DENND2C: variants seen among roughly 807,000 people sequenced by gnomAD.
DENND2C encodes the protein DENN domain containing 2C, also known as DENN domain-containing protein 2C.
A neutral mutation model predicts 112.4 loss-of-function variants in DENND2C; 72 were observed. The observed-to-expected ratio is 0.64, with a 90% confidence interval of 0.53 to 0.78. DENND2C has a LOEUF of 0.78. DENND2C is among the 30% of genes least tolerant of loss of function. The pLI, the probability that DENND2C is intolerant of heterozygous loss-of-function variation, is 0.00. For missense variants in DENND2C, 992 were observed against 1,113.8 expected, an observed-to-expected ratio of 0.89 and a Z score of 1.56; for synonymous variants, 329 against 381.6, an observed-to-expected ratio of 0.86 and a Z score of 1.61.
intron 2 of DENND2C, among the ~76,000 whole-genome samples, chr1:114,649,020 T>C (rs999689654): frequency 1.3e-5 from 2 of 152,008 alleles, no homozygotes; most frequent in African/African-American, 4.8e-5. Flanking sequence ...AGTGACGTGA[T>C]CTTGGCTCAC....
At chr1:114,665,113 A>C (rs1657609708) in intron 1 of DENND2C, among the ~76,000 whole-genome samples, 1 of 151,700 alleles carries the variant, frequency 6.6e-6, no homozygotes, top group African/African-American at 2.4e-5. Flanking sequence ...AAAATAAAAA[A>C]TAAAAATTAG....
At chr1:114,647,287 G>C (rs1657019990) in intron 2 of DENND2C, among the ~76,000 whole-genome samples, 1 of 151,588 alleles carries the variant, frequency 6.6e-6, no homozygotes, top group African/African-American at 2.4e-5. Flanking sequence ...GAAGAAGGAA[G>C]AATTATTTCT....
rs114210779 is a variant in DENND2C, at chr1:114,652,854, C to T, written c.-317+1651G>A. Among the ~76,000 whole-genome samples the T allele has an allele frequency of 7.4e-3, 1,121 of 151,596 alleles. 8 individuals carry two copies. Among genetic ancestry groups the T allele is most frequent in the South Asian group, 0.027 (129 of 4,772 alleles). On this transcript the variant is annotated intron_variant, in intron 2 of 20. Coordinates refer to ENST00000393274, the MANE Select transcript of DENND2C (RefSeq NM_001256404.2). ...CATGCCTGGCTCTATCTCCCACATG[C>T]TTTAAATAATCTCGAGATTACTTAT...
chr1:114,626,469 T>C (rs1656345415), intron 3 of DENND2C, among the ~76,000 whole-genome samples: 1 of 152,108 alleles, frequency 6.6e-6, no homozygotes, highest in South Asian at 2.1e-4. Context: ...TTAGAAGAGA[T>C]TATACATAGC....
intron 2 of DENND2C, among the ~76,000 whole-genome samples, chr1:114,651,431 A>G (rs1364365788): frequency 6.6e-6 from 1 of 151,768 alleles, no homozygotes; most frequent in East Asian, 1.9e-4. Flanking sequence ...CAGCCTGGGC[A>G]ATGGAGCAAG....
chr1:114,649,808 A>AT (rs1657104340), intron 2 of DENND2C, among the ~76,000 whole-genome samples: 1 of 152,220 alleles, frequency 6.6e-6, no homozygotes, highest in African/African-American at 2.4e-5. Flanking sequence ...AAAAGAAGCA[A>AT]TAAAAAAAAG....
Position 114,585,527 on chromosome 1 carries a change from G to T in DENND2C, c.*73C>A. The T allele has an allele frequency of 1.3e-6, 2 of 1,513,646 alleles. No individual in the cohort carries two copies. Among genetic ancestry groups the T allele is most frequent in the Non-Finnish European group, 1.8e-6 (2 of 1,096,702 alleles). 93.8% of individuals were successfully genotyped at this position (1,513,646 alleles called of 1,614,324 possible). ...AAGAATTTTGTAGAATACTTCATGG[G>T]ATCCTGACCCTTAGAAAAATATTTT... On this transcript the variant is annotated 3_prime_UTR_variant, in exon 21 of 21. Transcript: ENST00000393274.
At chr1:114,599,499 G>A (rs1404756457) in intron 15 of DENND2C, 48 bp from the exon 16 acceptor site, 24 of 1,441,582 alleles carry the variant, frequency 1.7e-5, no homozygotes, top group Non-Finnish European at 2.1e-5. Context: ...GTAACATAAG[G>A]AGGACATTTC....
rs1255243635 is a variant in DENND2C at position 114,622,171 on chromosome 1, T to G, written c.1057-106A>C. On this transcript the variant is annotated intron_variant, in intron 6 of 20. Coordinates refer to ENST00000393274, the MANE Select transcript of DENND2C (RefSeq NM_001256404.2). Reference sequence around the variant, plus strand: ...CTCTGTCGCCCAGGCTGGAATGCAGTGGCACGATCATGGCTCATTGCAGCC... The same window carrying G: ...CTCTGTCGCCCAGGCTGGAATGCAGGGGCACGATCATGGCTCATTGCAGCC... The G allele has an allele frequency of 4.2e-6, 5 of 1,193,420 alleles. No individual in the cohort carries two copies. In the Admixed American group the frequency reaches 8.6e-5, roughly 20 times the overall value. 73.9% of individuals were successfully genotyped at this position (1,193,420 alleles called of 1,614,324 possible). A position where few individuals can be genotyped will look rare whatever the true frequency, so the allele number is the denominator to read the frequency against.
intron 4 of DENND2C, among the ~76,000 whole-genome samples, chr1:114,623,898 A>G (rs6681510): frequency 0.23 from 35,210 of 152,034 alleles, 4,474 homozygotes; most frequent in Non-Finnish European, 0.28. Context: ...CACCATGCTC[A>G]GCTCTTTTTT....
chr1:114,593,013 T>G (rs1655238627), intron 18 of DENND2C, among the ~76,000 whole-genome samples: 1 of 152,196 alleles, frequency 6.6e-6, no homozygotes, highest in Non-Finnish European at 1.5e-5. Context: ...TTTCACTTTT[T>G]GTAGAGATGA....
chr1:114,623,328 T>C (rs1205200647), intron 5 of DENND2C, among the ~76,000 whole-genome samples, 179 bp downstream of exon 5: 1 of 152,200 alleles, frequency 6.6e-6, no homozygotes, highest in Non-Finnish European at 1.5e-5. Context: ...GAGCAGTCTA[T>C]CACATTAGTT....
chr1:114,608,858 A>G lies in DENND2C; in HGVS notation c.1385T>C (p.Leu462Ser), dbSNP rs753825594. 2 of 1,614,192 alleles carry G rather than the reference A, an allele frequency of 1.2e-6. No homozygotes were observed. Among genetic ancestry groups the G allele is most frequent in the South Asian group, 2.2e-5 (2 of 91,082 alleles). ...CTTGGAAGACGGTTGCAGTTGTGCT[A>G]AGCGTTTATGGCGATCTGTAATGAA... ...EYLPKNRHKR[L>S]AQLQPSSKRN... The change falls in exon 10 of 21, where the codon TTA becomes TCA. Residue 462 changes from leucine to serine, a missense_variant. By Grantham distance (145) the Leu-to-Ser change is moderately radical. Coordinates refer to ENST00000393274, the MANE Select transcript of DENND2C (RefSeq NM_001256404.2).
At chr1:114,590,136 G>A (rs1570752131) in intron 18 of DENND2C, among the ~76,000 whole-genome samples, 1 of 152,172 alleles carries the variant, frequency 6.6e-6, no homozygotes, top group African/African-American at 2.4e-5. Flanking sequence ...GCTCATGCCT[G>A]TAATCCCAAC....
At chr1:114,616,691 T>C (rs192570282) in intron 8 of DENND2C, among the ~76,000 whole-genome samples, 52 of 152,126 alleles carry the variant, frequency 3.4e-4, no homozygotes, top group Admixed American at 6.5e-4. Context: ...CCGTCTCTAC[T>C]ACAAATACAA....
In DENND2C at chr1:114,618,410, C is replaced by T. The variant is rs1404956838; in HGVS notation, c.1300G>A (p.Gly434Arg). 6.3e-7 allele frequency: 1 copy of T among 1,590,528 alleles called. No individual in the cohort carries two copies. Reference protein sequence around the residue: ...KKKVKLHSYTGKELPPTKGET... With the variant: ...KKKVKLHSYTRKELPPTKGET... ...CCTTTTGTCGGAGGTAATTCCTTTC[C>T]AGTGTAAGAATGTAACTTTACCTTC... Residue 434 changes from glycine (G) to arginine (R), a missense_variant, in exon 8 of 21, where the codon GGA (glycine) becomes AGA (arginine). Physicochemically the swap from Gly to Arg is moderately radical, Grantham distance 125. This residue lies in a region of DENND2C where 516 missense variants were observed against 623.6 expected (regional missense o/e 0.83). Coordinates refer to ENST00000393274, the MANE Select transcript of DENND2C (RefSeq NM_001256404.2).
intron 1 of DENND2C, among the ~76,000 whole-genome samples, chr1:114,657,320 TTTTA>T (rs1200710490): frequency 6.6e-6 from 1 of 152,234 alleles, no homozygotes; most frequent in Non-Finnish European, 1.5e-5. Flanking sequence ...TACCATCATA[TTTTA>T]TTTTTTAAGA....
At chr1:114,637,369 C>CAAAAAAAAAAA (rs71575188) in intron 3 of DENND2C, among the ~76,000 whole-genome samples, 1 of 127,628 alleles carries the variant, frequency 7.8e-6, no homozygotes, top group Non-Finnish European at 1.7e-5. Flanking sequence ...GACTCTGTCT[C>CAAAAAAAAAAA]AAAAAAAAAA....
chr1:114,649,098 G>A (rs972549031), intron 2 of DENND2C, among the ~76,000 whole-genome samples: 2 of 150,176 alleles, frequency 1.3e-5, no homozygotes, highest in Admixed American at 1.3e-4. Flanking sequence ...GGGATTACAG[G>A]CGCCTGCCAC....
Sources: gnomAD v4.1 joint callset for allele counts (sites outside exome capture counted in the v4.1 genomes callset) on GRCh38, gnomAD v4.1.1 for gene constraint, gnomAD v4.1.1 regional missense constraint, MANE v1.5 for transcripts, NCBI Gene and HGNC (gene_info 2026-07-23, HGNC 2026-07-21) for gene names.